Variants in GALNT17 observed in about 807,000 individuals in gnomAD.
The protein encoded by GALNT17 is UDP-GalNAc:polypeptide N-acetylgalactosaminyltransferase-like 3.
In GALNT17, 29 loss-of-function variants were observed where a neutral mutation model predicts 63.7. That is an observed-to-expected ratio of 0.46 (90% CI 0.34 to 0.62). The LOEUF (loss-of-function observed/expected upper bound fraction) is 0.62, where lower values mean the gene tolerates loss of function less well. Among genes scored for constraint, GALNT17 ranks in the 20% least tolerant of loss-of-function variants. The probability of loss-of-function intolerance (pLI) is 0.01; values close to 1 mark genes in which losing one functional copy is unlikely to be tolerated. For missense variants in GALNT17, 603 were observed against 799.6 expected (o/e 0.75, Z 2.97); for synonymous variants, 305 against 318.3 (o/e 0.96, Z 0.45).
At chr7:71,670,880 CTGTGTGTGTGTGTGTGTG>C (rs142043206) in intron 8 of GALNT17, among the ~76,000 whole-genome samples, 2 of 84,480 alleles carry the variant, frequency 2.4e-5, no homozygotes, top group African/African-American at 5.2e-5. Flanking sequence ...GGCCTCCGGA[CTGTGTGTGTGTGTGTGTG>C]TGTGCGTGTG....
At chr7:71,418,609 T>C (rs1583935297) in intron 4 of GALNT17, among the ~76,000 whole-genome samples, 1 of 152,232 alleles carries the variant, frequency 6.6e-6, no homozygotes, top group Non-Finnish European at 1.5e-5. Flanking sequence ...ACCGTCATTT[T>C]GCTCACATCC....
chr7:71,672,742 GGTTTT>G (rs1791088958), intron 8 of GALNT17, among the ~76,000 whole-genome samples: 1 of 152,058 alleles, frequency 6.6e-6, no homozygotes, highest in South Asian at 2.1e-4. Flanking sequence ...GTAGCAACGA[GGTTTT>G]GCCATGTTGG....
chr7:71,325,268 T>C (rs1042667126), intron 1 of GALNT17, among the ~76,000 whole-genome samples: 3 of 152,188 alleles, frequency 2.0e-5, no homozygotes, highest in Non-Finnish European at 4.4e-5. Context: ...AGGATCTCCC[T>C]GAGACGCGGA....
intron 9 of GALNT17, among the ~76,000 whole-genome samples, chr7:71,702,395 G>A (rs1457593377): frequency 1.3e-5 from 2 of 152,138 alleles, no homozygotes. Flanking sequence ...AGATCAGCAG[G>A]GAGGCGCATG....
Position 71,496,939 on chromosome 7 carries a change from A to T in GALNT17, c.963-74346A>T, listed in dbSNP as rs573040473. Among the ~76,000 whole-genome samples the T allele has an allele frequency of 4.6e-5, 7 of 152,032 alleles. No homozygotes were observed. In the East Asian group the frequency reaches 1.4e-3, roughly 29 times the overall value. On this transcript the variant is annotated intron_variant, in intron 5 of 10. Coordinates refer to ENST00000333538, the MANE Select transcript of GALNT17 (RefSeq NM_022479.3). ...AATTAAAAAAAAAAAATAACCAAGT[A>T]TGATGGCATGCACCTGTAGTCCCAG...
intron 5 of GALNT17, among the ~76,000 whole-genome samples, chr7:71,510,970 C>T (rs1332345659): frequency 6.6e-6 from 1 of 151,938 alleles, no homozygotes; most frequent in Non-Finnish European, 1.5e-5. Flanking sequence ...GCCAGGAGTT[C>T]CAGATCAGCC....
chr7:71,291,359 T>A (rs557465497), intron 1 of GALNT17, among the ~76,000 whole-genome samples: 60 of 152,374 alleles, frequency 3.9e-4, no homozygotes, highest in African/African-American at 1.4e-3. Flanking sequence ...GTTACATTCC[T>A]ATTCTTCCAG....
At chr7:71,633,283 T>C (rs1790483266) in intron 6 of GALNT17, among the ~76,000 whole-genome samples, 1 of 151,980 alleles carries the variant, frequency 6.6e-6, no homozygotes, top group Admixed American at 6.5e-5. Context: ...GGTTTCCCAA[T>C]ATGGAACACT....
At chr7:71,227,578 G>A (rs994450730) in intron 1 of GALNT17, among the ~76,000 whole-genome samples, 12 of 152,026 alleles carry the variant, frequency 7.9e-5, no homozygotes, top group African/African-American at 2.9e-4. Context: ...AGAGACCCCT[G>A]TTATCCCTCC....
chr7:71,690,823 T>C (rs1014298644), intron 9 of GALNT17, among the ~76,000 whole-genome samples: 5 of 152,196 alleles, frequency 3.3e-5, no homozygotes, highest in African/African-American at 1.2e-4. Flanking sequence ...AGCCCGTAGA[T>C]GGGACTGAAT....
chr7:71,587,908 C>CTTAA (rs1203612397), intron 6 of GALNT17, among the ~76,000 whole-genome samples: 1 of 152,180 alleles, frequency 6.6e-6, no homozygotes, highest in African/African-American at 2.4e-5. Context: ...TGCAAAAAGG[C>CTTAA]TTAAGCAGCC....
chr7:71,697,041 T>C (rs1791556113), intron 9 of GALNT17, among the ~76,000 whole-genome samples: 1 of 152,100 alleles, frequency 6.6e-6, no homozygotes, highest in Non-Finnish European at 1.5e-5. Flanking sequence ...ATCCTGCACA[T>C]ACAGGGAAGG....
chr7:71,396,135 T>C (rs1563062130), intron 3 of GALNT17, among the ~76,000 whole-genome samples: 1 of 152,120 alleles, frequency 6.6e-6, no homozygotes, highest in African/African-American at 2.4e-5. Flanking sequence ...CCAGTTTTTC[T>C]TTTTTTCCTT....
At chr7:71,222,575 A>G (rs542186895) in intron 1 of GALNT17, among the ~76,000 whole-genome samples, 22 of 152,262 alleles carry the variant, frequency 1.4e-4, no homozygotes, top group Admixed American at 8.5e-4. Flanking sequence ...TATAGGAGTT[A>G]GCCATCGTGC....
intron 1 of GALNT17, among the ~76,000 whole-genome samples, chr7:71,218,745 C>T (rs1001146682): frequency 3.3e-5 from 5 of 151,922 alleles, no homozygotes; most frequent in Non-Finnish European, 7.4e-5. Context: ...AGTGTGAAAC[C>T]TTTGTGAACT....
intron 1 of GALNT17, among the ~76,000 whole-genome samples, chr7:71,191,644 G>A (rs1788954040): frequency 1.3e-5 from 2 of 152,160 alleles, no homozygotes; most frequent in African/African-American, 4.8e-5. Context: ...TCTTCTATGT[G>A]TGGATCTGTC....
intron 1 of GALNT17, among the ~76,000 whole-genome samples, chr7:71,136,162 G>T (rs915042371): frequency 6.6e-6 from 1 of 152,088 alleles, no homozygotes; most frequent in African/African-American, 2.4e-5. Flanking sequence ...GATGCCCTCC[G>T]CCTGCTGCAG....
chr7:71,688,932 G>A (rs956514434), intron 9 of GALNT17, among the ~76,000 whole-genome samples: 5 of 152,130 alleles, frequency 3.3e-5, no homozygotes, highest in African/African-American at 7.2e-5. Context: ...TATGGGTGCC[G>A]TTTTTCCAAC....
chr7:71,561,136 C>T (rs1204274373), intron 5 of GALNT17, among the ~76,000 whole-genome samples: 1 of 152,110 alleles, frequency 6.6e-6, no homozygotes, highest in African/African-American at 2.4e-5. Flanking sequence ...ACTCAGCCTC[C>T]CGAGTAGCTG....
Sources: gnomAD v4.1 joint callset for allele counts (sites outside exome capture counted in the v4.1 genomes callset) on GRCh38, gnomAD v4.1.1 for gene constraint, MANE v1.5 for transcripts, NCBI Gene and HGNC (gene_info 2026-07-23, HGNC 2026-07-21) for gene names.